Variants in SLC14A2 observed in about 807,000 individuals in gnomAD.
The protein encoded by SLC14A2 is solute carrier family 14 member 2, also known as urea transporter 2.
In SLC14A2, 91 loss-of-function variants were observed where a neutral mutation model predicts 104.6. The ratio of observed to expected loss-of-function variants is 0.87; its 90% CI spans 0.73 to 1.04. The LOEUF (loss-of-function observed/expected upper bound fraction) is 1.04. Among genes scored for constraint, SLC14A2 ranks in the 50% least tolerant of loss-of-function variants. The pLI, the probability that SLC14A2 is intolerant of heterozygous loss-of-function variation, is 0.00. For missense variants in SLC14A2, 1,189 were observed against 1,156.0 expected (o/e 1.03, Z -0.41); for synonymous variants, 476 against 466.4 (o/e 1.02, Z -0.27).
intron 1 of SLC14A2, among the ~76,000 whole-genome samples, chr18:45,475,345 C>CGG (rs2087339155): frequency 6.6e-6 from 1 of 151,926 alleles, no homozygotes; most frequent in Non-Finnish European, 1.5e-5. Flanking sequence ...AATGTATATT[C>CGG]TGTTGACTTG....
intron 1 of SLC14A2, among the ~76,000 whole-genome samples, chr18:45,321,960 T>G (rs866331219): frequency 1.3e-5 from 2 of 152,080 alleles, no homozygotes; most frequent in South Asian, 4.2e-4. Flanking sequence ...GGTTTTTGGT[T>G]GAGAATGGGG....
chr18:45,389,093 G>T (rs1419576561), intron 1 of SLC14A2, among the ~76,000 whole-genome samples: 1 of 152,174 alleles, frequency 6.6e-6, no homozygotes, highest in Non-Finnish European at 1.5e-5. Flanking sequence ...TTCATAAAAT[G>T]TATGACACCT....
At chr18:45,250,992 A>G (rs1428184784) in intron 1 of SLC14A2, among the ~76,000 whole-genome samples, 2 of 152,156 alleles carry the variant, frequency 1.3e-5, no homozygotes, top group Non-Finnish European at 2.9e-5. Flanking sequence ...AGAAAACTTC[A>G]TAATTCAGCC....
At chr18:45,370,776 G>A (rs554644440) in intron 1 of SLC14A2, among the ~76,000 whole-genome samples, 2 of 152,212 alleles carry the variant, frequency 1.3e-5, no homozygotes, top group South Asian at 4.2e-4. Flanking sequence ...CCAGGGAGTG[G>A]GAGAGAGAGA....
intron 1 of SLC14A2, among the ~76,000 whole-genome samples, chr18:45,420,491 T>G (rs2086331870): frequency 6.6e-6 from 1 of 152,148 alleles, no homozygotes; most frequent in Admixed American, 6.5e-5. Context: ...AGGTGTATCT[T>G]TGCAGCTCAC....
intron 1 of SLC14A2, among the ~76,000 whole-genome samples, chr18:45,237,572 G>T (rs555094040): frequency 6.6e-6 from 1 of 152,200 alleles, no homozygotes; most frequent in African/African-American, 2.4e-5. Flanking sequence ...GTGGCGAATC[G>T]TAAATCCTCC....
chr18:45,202,831 G>A, the SLC14A2 span, among the ~76,000 whole-genome samples: 1 of 152,264 alleles, frequency 6.6e-6, no homozygotes, highest in East Asian at 1.9e-4. Flanking sequence ...CCTGGAGAAG[G>A]CCAGGTGTAC....
chr18:45,572,180 A>G (rs531134488), intron 2 of SLC14A2, among the ~76,000 whole-genome samples: 1 of 152,336 alleles, frequency 6.6e-6, no homozygotes, highest in East Asian at 1.9e-4. Flanking sequence ...GTTAATTAAC[A>G]CATATGCATT....
chr18:45,479,180 G>A (rs1359678536), intron 1 of SLC14A2, among the ~76,000 whole-genome samples: 1 of 152,058 alleles, frequency 6.6e-6, no homozygotes, highest in East Asian at 1.9e-4. Flanking sequence ...AAGTGGGCAG[G>A]GCTATCTTAA....
intron 2 of SLC14A2, among the ~76,000 whole-genome samples, chr18:45,500,034 T>C (rs2043166583): frequency 6.6e-6 from 1 of 152,128 alleles, no homozygotes; most frequent in Non-Finnish European, 1.5e-5. Context: ...CAAATTAGAC[T>C]CCAGTGAGTT....
intron 18 of SLC14A2, among the ~76,000 whole-genome samples, chr18:45,675,109 T>C (rs148549623): frequency 1.3e-5 from 2 of 152,300 alleles, no homozygotes; most frequent in Non-Finnish European, 2.9e-5. Context: ...CTCACTGGTT[T>C]CAAGGAAACT....
chr18:45,511,413 C>G (rs1418560052), intron 2 of SLC14A2, among the ~76,000 whole-genome samples: 2 of 152,110 alleles, frequency 1.3e-5, no homozygotes, highest in Non-Finnish European at 2.9e-5. Context: ...TTGGGATCCA[C>G]TAGAAGACCC....
At chr18:45,310,175 C>T (rs540384229) in intron 1 of SLC14A2, among the ~76,000 whole-genome samples, 3 of 152,250 alleles carry the variant, frequency 2.0e-5, no homozygotes, top group African/African-American at 7.2e-5. Flanking sequence ...GAACATTGTA[C>T]TTCTAAGTTC....
the SLC14A2 span, chr18:45,180,900 A>G: frequency 6.6e-6 from 1 of 152,232 alleles, no homozygotes; most frequent in Non-Finnish European, 1.5e-5. Context: ...GAAAATGGGA[A>G]GCAATGTATT....
At chr18:45,231,129 T>C (rs2084170311) in intron 1 of SLC14A2, among the ~76,000 whole-genome samples, 1 of 152,234 alleles carries the variant, frequency 6.6e-6, no homozygotes, top group African/African-American at 2.4e-5. Context: ...GTTAAGTAAC[T>C]TGTCCAAAGT....
intron 1 of SLC14A2, among the ~76,000 whole-genome samples, chr18:45,361,995 C>T (rs569559933): frequency 1.3e-5 from 2 of 152,248 alleles, no homozygotes; most frequent in African/African-American, 2.4e-5. Flanking sequence ...AATCTCATAT[C>T]GAATTATAAT....
At chr18:45,233,263 T>C (rs1009859487) in intron 1 of SLC14A2, among the ~76,000 whole-genome samples, 1 of 152,226 alleles carries the variant, frequency 6.6e-6, no homozygotes, top group African/African-American at 2.4e-5. Context: ...TTTCACAAGT[T>C]GACCTCTTAA....
chr18:45,634,498 T>C (rs1311879095), intron 5 of SLC14A2, among the ~76,000 whole-genome samples: 8 of 152,184 alleles, frequency 5.3e-5, no homozygotes, highest in African/African-American at 1.9e-4. Context: ...GAGGGGACAT[T>C]TGAGCTGTCG....
chr18:45,183,906 ATT>A, the SLC14A2 span, among the ~76,000 whole-genome samples: 500 of 62,668 alleles, frequency 8.0e-3, no homozygotes, highest in South Asian at 0.011. Context: ...TAATTTTCTA[ATT>A]TTTTTTTTTT....
Sources: allele counts gnomAD v4.1 joint callset (sites outside exome capture counted in the v4.1 genomes callset), GRCh38; gene constraint gnomAD v4.1.1; transcripts MANE v1.5; gene names NCBI Gene and HGNC (gene_info 2026-07-23, HGNC 2026-07-21).